The following IQCM variants were observed in gnomAD, a reference collection of about 807,000 sequenced individuals.
The protein encoded by IQCM is IQ motif containing M, also known as IQ domain-containing protein M.
In IQCM, 45 loss-of-function variants were observed where a neutral mutation model predicts 57.6. That is an observed-to-expected ratio of 0.78 (90% CI 0.62 to 1.00). The LOEUF (loss-of-function observed/expected upper bound fraction) is 1.00. Ranked by LOEUF, IQCM falls within the 50% of genes least tolerant of loss-of-function variation. The pLI, the probability that IQCM is intolerant of heterozygous loss-of-function variation, is 0.00. For missense variants in IQCM, 468 were observed against 511.6 expected (o/e 0.91, Z 0.82); for synonymous variants, 148 against 158.9 (o/e 0.93, Z 0.51).
At chr4:149,510,907 G>A (rs1042315129) in intron 12 of IQCM, among the ~76,000 whole-genome samples, 76 of 152,278 alleles carry the variant, frequency 5.0e-4, no homozygotes, top group African/African-American at 1.6e-3. Flanking sequence ...CCATTGTTAA[G>A]TTATTACTTG....
At chr4:149,611,313 T>C (rs1295170269) in intron 8 of IQCM, among the ~76,000 whole-genome samples, 1 of 152,120 alleles carries the variant, frequency 6.6e-6, no homozygotes, top group Non-Finnish European at 1.5e-5. Context: ...TACTACATGA[T>C]TCAGCAACCC....
intron 12 of IQCM, among the ~76,000 whole-genome samples, chr4:149,456,972 TA>T (rs1416498360): frequency 1.3e-5 from 2 of 152,084 alleles, no homozygotes; most frequent in African/African-American, 4.8e-5. Flanking sequence ...ACCAAGATTT[TA>T]TGTTTTTGTT....
chr4:149,666,791 A>G (rs1221618928), intron 7 of IQCM, among the ~76,000 whole-genome samples: 2 of 152,114 alleles, frequency 1.3e-5, no homozygotes, highest in Non-Finnish European at 2.9e-5. Context: ...TTCCCCTCAC[A>G]GTGTAAACAA....
chr4:149,463,111 C>T (rs1366069656), intron 12 of IQCM, among the ~76,000 whole-genome samples: 2 of 152,166 alleles, frequency 1.3e-5, no homozygotes, highest in African/African-American at 4.8e-5. Flanking sequence ...TTTAAAAAGA[C>T]ATTCGCATTA....
At chr4:149,399,728 T>C (rs1335772770) in intron 13 of IQCM, among the ~76,000 whole-genome samples, 1 of 152,108 alleles carries the variant, frequency 6.6e-6, no homozygotes, top group Admixed American at 6.6e-5. Context: ...TCTGGCAGGC[T>C]GCTTAATTAC....
chr4:149,675,009 A>T (rs1360809876), intron 7 of IQCM, among the ~76,000 whole-genome samples: 1 of 152,092 alleles, frequency 6.6e-6, no homozygotes, highest in Admixed American at 6.6e-5. Flanking sequence ...TGGAAGTATT[A>T]CAAAGATTGT....
intron 12 of IQCM, among the ~76,000 whole-genome samples, chr4:149,541,790 A>T (rs1219379890): frequency 6.6e-6 from 1 of 152,100 alleles, no homozygotes; most frequent in Non-Finnish European, 1.5e-5. Flanking sequence ...AGCTAAAAAT[A>T]ACTGAAGACA....
chr4:149,741,611 G>A (rs1767462157), intron 3 of IQCM, among the ~76,000 whole-genome samples: 1 of 152,168 alleles, frequency 6.6e-6, no homozygotes, highest in South Asian at 2.1e-4. Context: ...ATGCTTGCTG[G>A]CCTGTATCAT....
chr4:149,355,947 G>A (rs1291494293), intron 13 of IQCM, among the ~76,000 whole-genome samples: 1 of 152,122 alleles, frequency 6.6e-6, no homozygotes, highest in African/African-American at 2.4e-5. Context: ...TAACTGGTGT[G>A]AGATGGTATC....
intron 12 of IQCM, among the ~76,000 whole-genome samples, chr4:149,468,425 G>A (rs1316683932): frequency 6.6e-6 from 1 of 152,210 alleles, no homozygotes; most frequent in African/African-American, 2.4e-5. Flanking sequence ...GCGAGGCTGG[G>A]GGAGGGGCGT....
chr4:149,655,447 T>C (rs1443309685), intron 7 of IQCM, among the ~76,000 whole-genome samples: 3 of 152,172 alleles, frequency 2.0e-5, no homozygotes, highest in Admixed American at 6.6e-5. Context: ...TTTGATACAT[T>C]AAAAGTATTT....
intron 12 of IQCM, among the ~76,000 whole-genome samples, chr4:149,467,874 A>T (rs1280943056): frequency 6.6e-5 from 10 of 152,188 alleles, no homozygotes; most frequent in Non-Finnish European, 1.3e-4. Flanking sequence ...CTTAACTGGA[A>T]CCCAAAGGAC....
At chr4:149,555,161 T>C (rs1441667359) in intron 10 of IQCM, among the ~76,000 whole-genome samples, 2 of 152,222 alleles carry the variant, frequency 1.3e-5, no homozygotes. Flanking sequence ...TTTGCTAATG[T>C]CTCTCAACAT....
At chr4:149,392,089 T>C (rs1246916779) in intron 13 of IQCM, among the ~76,000 whole-genome samples, 1 of 150,918 alleles carries the variant, frequency 6.6e-6, no homozygotes, top group Non-Finnish European at 1.5e-5. Context: ...CCAAATATGA[T>C]TGTTCAGTTG....
intron 12 of IQCM, among the ~76,000 whole-genome samples, chr4:149,512,492 T>C (rs759403399): frequency 1.6e-4 from 25 of 152,244 alleles, no homozygotes; most frequent in Non-Finnish European, 2.9e-4. Context: ...ATATAAATTT[T>C]AATGGACAGC....
chr4:149,481,701 G>GTTTT lies in IQCM; in HGVS notation c.1229-48148_1229-48145dup, dbSNP rs57465501. 1.4e-3 allele frequency among the ~76,000 whole-genome samples: 74 copies of GTTTT among 51,566 alleles called. 2 individuals are homozygous for GTTTT. The highest frequency in any genetic ancestry group is 5.2e-3 in the African/African-American group (69 of 13,220). 33.8% of individuals were successfully genotyped at this position (51,566 alleles called of 152,430 possible). On this transcript the variant is annotated intron_variant, in intron 12 of 13. Transcript: ENST00000636793. ...CATGTAATGTGATTCTTCCAGTTTT[G>GTTTT]TTTTTTTTTTTTTTTTTTTTTGCTT... is the stretch of plus-strand genomic sequence containing the variant.
At chr4:149,772,664 A>T (rs1400648632) in intron 2 of IQCM, among the ~76,000 whole-genome samples, 1 of 152,246 alleles carries the variant, frequency 6.6e-6, no homozygotes, top group East Asian at 1.9e-4. Context: ...TAAAGCAAGA[A>T]GCATCTTTGA....
chr4:149,520,057 C>T (rs1203552048), intron 12 of IQCM, among the ~76,000 whole-genome samples: 5 of 152,046 alleles, frequency 3.3e-5, no homozygotes. Flanking sequence ...ATCCATTAAA[C>T]AATATGTAGT....
intron 13 of IQCM, among the ~76,000 whole-genome samples, chr4:149,429,576 G>A (rs1734681770): frequency 1.3e-5 from 2 of 151,784 alleles, no homozygotes; most frequent in Admixed American, 6.6e-5. Context: ...TGGAGCATTC[G>A]TAACTCTATT....
Sources: allele counts gnomAD v4.1 joint callset (sites outside exome capture counted in the v4.1 genomes callset), GRCh38; gene constraint gnomAD v4.1.1; transcripts MANE v1.5; gene names NCBI Gene and HGNC (gene_info 2026-07-23, HGNC 2026-07-21).